The following MAP7 variants were observed in gnomAD, a reference collection of about 807,000 sequenced individuals.
MAP7 encodes the protein ensconsin.
MAP7 carries 52 observed loss-of-function variants against 94.8 expected under a neutral mutation model. The ratio of observed to expected loss-of-function variants is 0.55; its 90% CI spans 0.44 to 0.69. The LOEUF is 0.69. MAP7 is among the 30% of genes least tolerant of loss of function. The pLI, the probability that MAP7 is intolerant of heterozygous loss-of-function variation, is 0.00. For synonymous variants in MAP7, 350 were observed against 357.0 expected (o/e 0.98, Z 0.22); for missense variants, 940 against 964.6 (o/e 0.97, Z 0.34).
At chr6:136,357,146 T>A (rs1791219284) in intron 15 of MAP7, among the ~76,000 whole-genome samples, 1 of 152,172 alleles carries the variant, frequency 6.6e-6, no homozygotes, top group Admixed American at 6.5e-5. Context: ...GCTGACTTGA[T>A]CAAGCTGACA....
At chr6:136,390,172 C>A (rs1780303318) in intron 3 of MAP7, among the ~76,000 whole-genome samples, 1 of 152,180 alleles carries the variant, frequency 6.6e-6, no homozygotes, top group Admixed American at 6.5e-5. Flanking sequence ...AATACAGGTT[C>A]TTTCCTCATT....
rs369480887 is a variant in MAP7 at position 136,485,147 on chromosome 6, G to A, written c.68-63348C>T. Among the ~76,000 whole-genome samples, 10 of 152,316 alleles carry A rather than the reference G, an allele frequency of 6.6e-5. 1 individual carries two copies. The South Asian group carries it at 1.9e-3, about 28-fold the overall frequency. On this transcript the variant is annotated intron_variant, in intron 1 of 17. Coordinates refer to ENST00000354570, the MANE Select transcript of MAP7 (RefSeq NM_003980.6). ...GTATATGAAAAATGGTATGAATTGTGTCTCTTAGAGAATTTTAACACATAT... is the reference window on the plus strand; with the variant it reads ...GTATATGAAAAATGGTATGAATTGTATCTCTTAGAGAATTTTAACACATAT...
chr6:136,423,782 GTTTTTTT>G (rs60134746), intron 1 of MAP7, among the ~76,000 whole-genome samples: 1 of 136,144 alleles, frequency 7.3e-6, no homozygotes, highest in African/African-American at 2.9e-5. Context: ...AGGGAGTTGT[GTTTTTTT>G]TTTTTGTTTT....
At chr6:136,415,726 T>C (rs114596787) in intron 2 of MAP7, among the ~76,000 whole-genome samples, 56 of 152,350 alleles carry the variant, frequency 3.7e-4, no homozygotes, top group African/African-American at 1.3e-3. Flanking sequence ...GGTAAGATAA[T>C]ATGTAAAAAA....
At chr6:136,423,662 T>G (rs982971647) in intron 1 of MAP7, among the ~76,000 whole-genome samples, 2 of 151,774 alleles carry the variant, frequency 1.3e-5, no homozygotes, top group Admixed American at 6.6e-5. Flanking sequence ...GATTCAGGGT[T>G]TGGGGGAGAT....
chr6:136,415,029 T>C (rs540521012), intron 2 of MAP7, among the ~76,000 whole-genome samples: 193 of 152,258 alleles, frequency 1.3e-3, no homozygotes, highest in African/African-American at 3.9e-3. Context: ...CAGGCTGGTC[T>C]CAAACTCCTG....
At position 136,411,667 on chromosome 6, in the gene MAP7, C is replaced by T. The variant is rs149529773; in HGVS notation, c.197G>A (p.Arg66Gln). The change falls in exon 3 of 18, where the codon CGG (arginine) becomes CAG (glutamine). Residue 66 changes from arginine to glutamine, a missense_variant. By Grantham distance (43) the Arg-to-Gln change is conservative. Transcript: ENST00000354570. ...DPPPVLRVDD[R>Q]QRLARERREE... The stretch of plus-strand genomic sequence containing the variant: ...ACGTCGCTCCCGGGCCAGCCGCTGC[C>T]GGTCATCAACACGTAACACAGGCGG... The T allele has an allele frequency of 1.3e-5, 21 of 1,567,580 alleles. No individual in the cohort carries two copies. Among genetic ancestry groups the T allele is most frequent in the Middle Eastern group, 1.7e-4 (1 of 5,996 alleles).
At chr6:136,399,405 G>T (rs1783430104) in intron 3 of MAP7, among the ~76,000 whole-genome samples, 1 of 152,098 alleles carries the variant, frequency 6.6e-6, no homozygotes, top group African/African-American at 2.4e-5. Context: ...AGTACAATGG[G>T]ATAGTAATGG....
chr6:136,435,927 T>C lies in MAP7; in HGVS notation c.68-14128A>G, dbSNP rs116967353. On this transcript the variant is annotated intron_variant, in intron 1 of 17. Transcript: ENST00000354570. Reference sequence around the variant, plus strand: ...CATAGGGATTTTATAATAACATTACTATCTAATAGGTTAAATAGGCTTTTG... The same window carrying C: ...CATAGGGATTTTATAATAACATTACCATCTAATAGGTTAAATAGGCTTTTG... 4.3e-3 allele frequency among the ~76,000 whole-genome samples: 655 copies of C among 152,344 alleles called. 1 individual carries two copies. Among genetic ancestry groups the C allele is most frequent in the Non-Finnish European group, 7.0e-3 (473 of 68,022 alleles).
At chr6:136,461,058 T>G (rs998484623) in intron 1 of MAP7, among the ~76,000 whole-genome samples, 1 of 152,182 alleles carries the variant, frequency 6.6e-6, no homozygotes, top group African/African-American at 2.4e-5. Context: ...ATCTTATTCC[T>G]AACAGCTCCA....
At chr6:136,360,666 G>A (rs752229859) in intron 13 of MAP7, 31 bp downstream of exon 13, 2 of 1,600,324 alleles carry the variant, frequency 1.2e-6, no homozygotes, top group Admixed American at 1.7e-5. Context: ...GCAAGTTCGC[G>A]TCCCGGGCCT....
chr6:136,543,998 TAC>T (rs967877554), intron 1 of MAP7, among the ~76,000 whole-genome samples: 6 of 152,188 alleles, frequency 3.9e-5, no homozygotes, highest in African/African-American at 1.4e-4. Context: ...CTCGGCTCAC[TAC>T]ACCCTCCGTC....
intron 3 of MAP7, among the ~76,000 whole-genome samples, chr6:136,410,752 A>G (rs893734246): frequency 2.0e-5 from 3 of 152,252 alleles, no homozygotes; most frequent in African/African-American, 7.2e-5. Context: ...TAAGAATAAT[A>G]AAGGGATGAG....
chr6:136,462,276 G>C (rs565388180), intron 1 of MAP7, among the ~76,000 whole-genome samples: 1 of 152,030 alleles, frequency 6.6e-6, no homozygotes, highest in East Asian at 1.9e-4. Context: ...CTATGAGAAA[G>C]GATTGGGGGC....
intron 1 of MAP7, among the ~76,000 whole-genome samples, chr6:136,490,285 A>G (rs1387934114): frequency 1.3e-5 from 2 of 152,224 alleles, no homozygotes; most frequent in Non-Finnish European, 2.9e-5. Context: ...AATATAATTT[A>G]GTTATGACAA....
intron 3 of MAP7, among the ~76,000 whole-genome samples, chr6:136,405,382 G>C (rs375164376): frequency 6.6e-6 from 1 of 152,218 alleles, no homozygotes; most frequent in Non-Finnish European, 1.5e-5. Context: ...GGTAGGAGAA[G>C]GCCTCGCTGA....
In MAP7 at chr6:136,377,928, A is replaced by T. The variant is rs1375588053; in HGVS notation, c.638-60T>A. Reference sequence around the variant, plus strand: ...ATTCTTTTCAGAGTCAAGAGGGCATAATACATCGTACCTATTGCTTCCATA... The same window carrying T: ...ATTCTTTTCAGAGTCAAGAGGGCATTATACATCGTACCTATTGCTTCCATA... On this transcript the variant is annotated intron_variant, in intron 6 of 17. Transcript: ENST00000354570. 8.2e-6 allele frequency: 10 copies of T among 1,212,524 alleles called. No individual in the cohort carries two copies. The East Asian group carries it at 1.6e-4, about 20-fold the overall frequency. The allele number at this position is 1,212,524 out of a possible 1,614,324, so 75.1% of individuals were successfully genotyped here. A position where few individuals can be genotyped will look rare whatever the true frequency, so the allele number is the denominator to read the frequency against.
In MAP7 at chr6:136,347,667, A is replaced by G. The variant is rs141287489; in HGVS notation, c.2016-1588T>C. 3.1e-3 allele frequency among the ~76,000 whole-genome samples: 465 copies of G among 152,258 alleles called. 2 individuals are homozygous for G. Among genetic ancestry groups the G allele is most frequent in the African/African-American group, 9.5e-3 (394 of 41,538 alleles). On this transcript the variant is annotated intron_variant, in intron 16 of 17. Transcript: ENST00000354570. ...GTGATCTGCCCCCATCGGCCTCCCA[A>G]AGTGCTGGGATTACAGCCATGAGCC...
At chr6:136,498,856 A>G (rs1170409767) in intron 1 of MAP7, among the ~76,000 whole-genome samples, 2 of 152,072 alleles carry the variant, frequency 1.3e-5, no homozygotes, top group African/African-American at 4.8e-5. Flanking sequence ...AAAAGGCTTC[A>G]GTTTGATCTG....
Sources: gnomAD v4.1 joint callset for allele counts (sites outside exome capture counted in the v4.1 genomes callset) on GRCh38, gnomAD v4.1.1 for gene constraint, MANE v1.5 for transcripts, NCBI Gene and HGNC (gene_info 2026-07-23, HGNC 2026-07-21) for gene names.